The following GLI2 variants were observed in gnomAD, a reference collection of about 807,000 sequenced individuals.
GLI2 encodes the protein transcription activator GLI2.
In GLI2, 22 loss-of-function variants were observed where a neutral mutation model predicts 78.9. The observed-to-expected ratio is 0.28, with a 90% CI of 0.20 to 0.40. The LOEUF is 0.40. Among genes scored for constraint, GLI2 ranks in the 10% least tolerant of loss-of-function variants. GLI2 has a pLI of 1.00. For missense variants in GLI2, 2,097 were observed against 2,213.2 expected, an observed-to-expected ratio of 0.95 and a Z score of 1.05; for synonymous variants, 974 against 963.7, an observed-to-expected ratio of 1.01 and a Z score of -0.20.
At chr2:120,907,456 T>C (rs1435147502) in intron 2 of GLI2, among the ~76,000 whole-genome samples, 1 of 152,138 alleles carries the variant, frequency 6.6e-6, no homozygotes, top group Admixed American at 6.5e-5. Context: ...CAATGGCCTC[T>C]CGTAGGAAGA....
intron 2 of GLI2, among the ~76,000 whole-genome samples, chr2:120,812,279 G>C (rs1050618265): frequency 5.9e-5 from 9 of 152,158 alleles, no homozygotes; most frequent in African/African-American, 1.9e-4. Context: ...CACATGTCGC[G>C]GCCCGGTCCC....
intron 1 of GLI2, among the ~76,000 whole-genome samples, chr2:120,795,760 A>G (rs1684359933): frequency 6.6e-6 from 1 of 151,924 alleles, no homozygotes; most frequent in African/African-American, 2.4e-5. Context: ...TCTTTAAAAC[A>G]TGTGACCGGC....
chr2:120,781,530 C>T (rs753892630), intron 1 of GLI2, among the ~76,000 whole-genome samples: 1 of 152,204 alleles, frequency 6.6e-6, no homozygotes, highest in Admixed American at 6.5e-5. Flanking sequence ...CTAATATTTT[C>T]TCTGTATTTA....
intron 1 of GLI2, among the ~76,000 whole-genome samples, chr2:120,745,057 T>C (rs1682654416): frequency 6.6e-6 from 1 of 152,242 alleles, no homozygotes; most frequent in Non-Finnish European, 1.5e-5. Context: ...GAGGTGCTTC[T>C]GCTCCAAAAC....
intron 2 of GLI2, among the ~76,000 whole-genome samples, chr2:120,840,585 G>A (rs1327243410): frequency 6.6e-6 from 1 of 152,158 alleles, no homozygotes; most frequent in Non-Finnish European, 1.5e-5. Flanking sequence ...GATAGCTTAG[G>A]GGTCCTGGAC....
intron 2 of GLI2, among the ~76,000 whole-genome samples, chr2:120,828,821 A>G (rs1686209698): frequency 1.3e-5 from 2 of 151,476 alleles, no homozygotes; most frequent in East Asian, 1.9e-4. Flanking sequence ...TTCTCTTGTT[A>G]CTAAAATGGA....
At chr2:120,785,994 G>A (rs1683986394) in intron 1 of GLI2, among the ~76,000 whole-genome samples, 1 of 152,222 alleles carries the variant, frequency 6.6e-6, no homozygotes, top group South Asian at 2.1e-4. Flanking sequence ...AGGCCTTTCT[G>A]GGTGCCAGAC....
At chr2:120,903,768 C>G (rs998729849) in intron 2 of GLI2, among the ~76,000 whole-genome samples, 1 of 152,188 alleles carries the variant, frequency 6.6e-6, no homozygotes, top group African/African-American at 2.4e-5. Context: ...GCAGCCTTCC[C>G]AAACCCCTTT....
At chr2:120,853,987 C>T (rs1687527197) in intron 2 of GLI2, among the ~76,000 whole-genome samples, 1 of 152,084 alleles carries the variant, frequency 6.6e-6, no homozygotes, top group African/African-American at 2.4e-5. Context: ...CTCCCCCGAG[C>T]CCATTTTTGT....
chr2:120,842,905 A>C (rs909932885), intron 2 of GLI2, among the ~76,000 whole-genome samples: 1 of 152,238 alleles, frequency 6.6e-6, no homozygotes, highest in Non-Finnish European at 1.5e-5. Context: ...AAATGAATAC[A>C]TTCCATGAGA....
At chr2:120,887,436 G>A (rs556583198) in intron 2 of GLI2, among the ~76,000 whole-genome samples, 50 of 152,344 alleles carry the variant, frequency 3.3e-4, no homozygotes, top group African/African-American at 1.2e-3. Flanking sequence ...ATTTCCAAAA[G>A]GCTTGTAATC....
intron 2 of GLI2, among the ~76,000 whole-genome samples, chr2:120,814,960 A>G (rs1685426204): frequency 6.6e-6 from 1 of 152,092 alleles, no homozygotes; most frequent in African/African-American, 2.4e-5. Context: ...TGTATCCTCA[A>G]AGACAAGGGC....
chr2:120,913,568 C>G (rs1678940120), intron 2 of GLI2, among the ~76,000 whole-genome samples: 1 of 152,070 alleles, frequency 6.6e-6, no homozygotes, highest in Non-Finnish European at 1.5e-5. Flanking sequence ...AGGGAAGATT[C>G]TAGTCCAAGG....
intron 2 of GLI2, among the ~76,000 whole-genome samples, chr2:120,865,440 A>T (rs1215002034): frequency 6.6e-6 from 1 of 152,160 alleles, no homozygotes; most frequent in Non-Finnish European, 1.5e-5. Flanking sequence ...TGGAGGCTCC[A>T]TTCCACCAGC....
intron 2 of GLI2, among the ~76,000 whole-genome samples, chr2:120,887,651 C>T (rs777565072): frequency 6.6e-6 from 1 of 152,208 alleles, no homozygotes; most frequent in Non-Finnish European, 1.5e-5. Flanking sequence ...TTGGAAGCGC[C>T]CTTCTCCCAC....
In GLI2 at chr2:120,797,235, G is replaced by A. The variant is rs566460361; in HGVS notation, c.-30-56G>A. 152 of 1,411,844 alleles carry A rather than the reference G, an allele frequency of 1.1e-4. No homozygotes were observed. The African/African-American group carries it at 1.3e-3, about 12-fold the overall frequency. 87.5% of individuals were successfully genotyped at this position (1,411,844 alleles called of 1,614,324 possible). A position where few individuals can be genotyped will look rare whatever the true frequency, so the allele number is the denominator to read the frequency against. On this transcript the variant is annotated intron_variant, in intron 1 of 13. Coordinates refer to ENST00000361492, the MANE Select transcript of GLI2 (RefSeq NM_001374353.1). ...AGCGGCGGTGTGAATCTGGGTCGGC[G>A]TTTCCCGGCTGGGTTTGGGCTCAGT...
intron 2 of GLI2, among the ~76,000 whole-genome samples, chr2:120,904,042 G>A (rs780283801): frequency 2.6e-4 from 39 of 152,062 alleles, no homozygotes; most frequent in Non-Finnish European, 4.7e-4. Flanking sequence ...GGGTGGGGAG[G>A]AGGCTGTCCC....
At chr2:120,824,600 C>T (rs1573436514) in intron 2 of GLI2, among the ~76,000 whole-genome samples, 3 of 152,258 alleles carry the variant, frequency 2.0e-5, no homozygotes, top group Admixed American at 2.0e-4. Flanking sequence ...CTTTGGGCCC[C>T]CTTTGGGTCT....
At chr2:120,827,232 C>A (rs1034736297) in intron 2 of GLI2, among the ~76,000 whole-genome samples, 1 of 152,180 alleles carries the variant, frequency 6.6e-6, no homozygotes, top group Non-Finnish European at 1.5e-5. Context: ...CAGCCAAACC[C>A]GAGTGTCTGC....
Sources: allele counts gnomAD v4.1 joint callset (sites outside exome capture counted in the v4.1 genomes callset), GRCh38; gene constraint gnomAD v4.1.1; transcripts MANE v1.5; gene names NCBI Gene and HGNC (gene_info 2026-07-23, HGNC 2026-07-21).